Variants in RAP1A observed in about 807,000 individuals in gnomAD.
The protein encoded by RAP1A is RAP1A, member of RAS oncogene family, also known as ras-related protein Rap-1A.
A neutral mutation model predicts 26.4 loss-of-function variants in RAP1A; 6 were observed. The ratio of observed to expected loss-of-function variants is 0.23; its 90% CI spans 0.12 to 0.45. The LOEUF (loss-of-function observed/expected upper bound fraction) is 0.45, where lower values mean the gene tolerates loss of function less well. RAP1A is among the 20% of genes least tolerant of loss of function. The probability of loss-of-function intolerance (pLI) is 0.99; values close to 1 mark genes in which losing one functional copy is unlikely to be tolerated. For missense variants in RAP1A, 121 were observed against 217.2 expected, an observed-to-expected ratio of 0.56 and a Z score of 2.78; for synonymous variants, 73 against 79.4, an observed-to-expected ratio of 0.92 and a Z score of 0.43.
chr1:111,697,360 C>T, intron 3 of RAP1A, 81 bp from the exon 4 acceptor site: 1 of 1,598,432 alleles, frequency 6.3e-7, no homozygotes, highest in Non-Finnish European at 8.5e-7. Context: ...TTAATAGTTA[C>T]TTTGATGGAA....
At chr1:111,611,154 A>G (rs888712416) in intron 1 of RAP1A, among the ~76,000 whole-genome samples, 3 of 152,214 alleles carry the variant, frequency 2.0e-5, no homozygotes, top group African/African-American at 7.2e-5. Context: ...ACCTCTTTCT[A>G]AGAAAATCCC....
chr1:111,564,399 A>G (rs57829627), intron 1 of RAP1A, among the ~76,000 whole-genome samples: 2 of 151,994 alleles, frequency 1.3e-5, no homozygotes, highest in Admixed American at 6.5e-5. Flanking sequence ...CTATATTCCT[A>G]TTTGGGAGGC....
At chr1:111,637,298 G>A (rs1412951703) in intron 1 of RAP1A, among the ~76,000 whole-genome samples, 1 of 152,054 alleles carries the variant, frequency 6.6e-6, no homozygotes, top group Non-Finnish European at 1.5e-5. Flanking sequence ...TCAAACTCAA[G>A]TAATACCAAG....
At chr1:111,658,857 T>A (rs192548442) in intron 1 of RAP1A, among the ~76,000 whole-genome samples, 104 of 152,352 alleles carry the variant, frequency 6.8e-4, no homozygotes, top group African/African-American at 2.4e-3. Context: ...CCAGCTATAA[T>A]AATGGATTCA....
chr1:111,701,224 C>G (rs1291069742), intron 4 of RAP1A, among the ~76,000 whole-genome samples: 2 of 152,106 alleles, frequency 1.3e-5, no homozygotes, highest in Non-Finnish European at 2.9e-5. Flanking sequence ...TTCAATGAAT[C>G]CAGCCTCCTT....
At chr1:111,657,007 C>T (rs888507115) in intron 1 of RAP1A, among the ~76,000 whole-genome samples, 1 of 151,926 alleles carries the variant, frequency 6.6e-6, no homozygotes, top group Non-Finnish European at 1.5e-5. Context: ...CCCCATCCCC[C>T]TTCTCCGCCC....
In RAP1A at chr1:111,676,536, GAATTAACTTA is replaced by G. The variant is rs1356791698; in HGVS notation, c.-27-14788_-27-14779del. On this transcript the variant is annotated intron_variant, in intron 1 of 7. Coordinates refer to ENST00000369709, the MANE Select transcript of RAP1A (RefSeq NM_002884.4). ...GAGAAATTTCTCTCTTTCCCGCATT[GAATTAACTTA>G]AATTAACTTTTTAAGCTGTGATTTA... Among the ~76,000 whole-genome samples the G allele has an allele frequency of 3.3e-5, 5 of 151,748 alleles. No individual in the cohort carries two copies. The East Asian group carries it at 9.6e-4, about 29-fold the overall frequency.
intron 1 of RAP1A, among the ~76,000 whole-genome samples, chr1:111,565,923 A>G (rs564015304): frequency 6.6e-6 from 1 of 152,270 alleles, no homozygotes; most frequent in Non-Finnish European, 1.5e-5. Context: ...CCAGGGATGT[A>G]GAAGAAACCT....
chr1:111,685,830 T>G (rs1159545535), intron 1 of RAP1A, among the ~76,000 whole-genome samples: 1 of 152,180 alleles, frequency 6.6e-6, no homozygotes, highest in Non-Finnish European at 1.5e-5. Context: ...CACACATATG[T>G]TTATTGCAGC....
At chr1:111,619,090 T>C (rs868480031), upstream of RAP1A, among the ~76,000 whole-genome samples, 14 of 152,256 alleles carry the variant, frequency 9.2e-5, no homozygotes, top group African/African-American at 3.4e-4. Context: ...GCTCTCGGGC[T>C]GGCTGACGCT....
intron 1 of RAP1A, among the ~76,000 whole-genome samples, chr1:111,577,169 G>A (rs1307708189): frequency 6.6e-6 from 1 of 152,046 alleles, no homozygotes; most frequent in African/African-American, 2.4e-5. Flanking sequence ...TTGGGAGGTC[G>A]AGGCAGGCGG....
At chr1:111,616,441 T>A (rs900725882), upstream of RAP1A, among the ~76,000 whole-genome samples, 1 of 152,220 alleles carries the variant, frequency 6.6e-6, no homozygotes, top group Admixed American at 6.5e-5. Flanking sequence ...TGAACCTTTT[T>A]CTCACAGATG....
intron 1 of RAP1A, among the ~76,000 whole-genome samples, chr1:111,640,722 G>A (rs1392938425): frequency 6.6e-6 from 1 of 152,196 alleles, no homozygotes; most frequent in Non-Finnish European, 1.5e-5. Flanking sequence ...CACTTTGGAA[G>A]GCCAAGGTAG....
intron 1 of RAP1A, among the ~76,000 whole-genome samples, chr1:111,598,559 G>A (rs1384128546): frequency 1.3e-5 from 2 of 151,940 alleles, no homozygotes; most frequent in African/African-American, 4.8e-5. Flanking sequence ...AGCCTACATT[G>A]AGCAACCTTC....
intron 5 of RAP1A, 42 bp from the exon 6 acceptor site, chr1:111,704,301 T>C (rs760380709): frequency 1.3e-6 from 2 of 1,594,000 alleles, no homozygotes; most frequent in East Asian, 4.5e-5. Context: ...GGCTAAGTAA[T>C]GAGTATGTTA....
intron 1 of RAP1A, among the ~76,000 whole-genome samples, chr1:111,549,319 T>C (rs1385703000): frequency 1.3e-5 from 2 of 151,804 alleles, no homozygotes; most frequent in African/African-American, 2.4e-5. Context: ...CTTTTTTTTT[T>C]TTTTTTCTTG....
At chr1:111,554,306 A>T (rs2101039443) in intron 1 of RAP1A, among the ~76,000 whole-genome samples, 1 of 152,370 alleles carries the variant, frequency 6.6e-6, no homozygotes, top group Admixed American at 6.5e-5. Context: ...GAATTTGAAA[A>T]ACCTTTCTTA....
chr1:111,570,790 CA>C (rs1470138833), intron 1 of RAP1A, among the ~76,000 whole-genome samples: 1 of 152,152 alleles, frequency 6.6e-6, no homozygotes, highest in African/African-American at 2.4e-5. Flanking sequence ...GGAACTAACC[CA>C]GTCTGGCCAG....
intron 1 of RAP1A, among the ~76,000 whole-genome samples, chr1:111,560,960 A>C (rs914117771): frequency 6.6e-6 from 1 of 152,236 alleles, no homozygotes; most frequent in African/African-American, 2.4e-5. Flanking sequence ...TCCAGAAGTC[A>C]GGTGAAAGAG....
Sources: gnomAD v4.1 joint callset for allele counts (sites outside exome capture counted in the v4.1 genomes callset) on GRCh38, gnomAD v4.1.1 for gene constraint, MANE v1.5 for transcripts, NCBI Gene and HGNC (gene_info 2026-07-23, HGNC 2026-07-21) for gene names.